RNF212: variants seen among roughly 807,000 people sequenced by gnomAD.
RNF212 encodes probable E3 SUMO-protein ligase RNF212.
A neutral mutation model predicts 34.7 loss-of-function variants in RNF212; 33 were observed. The observed-to-expected ratio is 0.95, with a 90% CI of 0.72 to 1.27. The LOEUF is 1.27. Ranked by LOEUF, RNF212 falls within the 50% of genes most tolerant of loss-of-function variation. The pLI is 0.00. For synonymous variants in RNF212, 140 were observed against 136.1 expected (o/e 1.03, Z -0.20); for missense variants, 377 against 362.2 (o/e 1.04, Z -0.33).
chr4:1,091,580 C>G (rs1214526341), intron 3 of RNF212, among the ~76,000 whole-genome samples: 1 of 152,182 alleles, frequency 6.6e-6, no homozygotes, highest in Non-Finnish European at 1.5e-5. Flanking sequence ...ACCTTGCCAT[C>G]TGCGATGATA....
At chr4:1,090,916 GC>G in intron 3 of RNF212, 78 bp from the exon 4 acceptor site, 1 of 897,086 alleles carries the variant, frequency 1.1e-6, no homozygotes, top group East Asian at 2.4e-5. Context: ...GGAGGAGGAG[GC>G]TGGAGGGACT....
At chr4:1,076,357 G>T (rs974319326) in intron 8 of RNF212, among the ~76,000 whole-genome samples, 1 of 152,216 alleles carries the variant, frequency 6.6e-6, no homozygotes, top group Admixed American at 6.5e-5. Context: ...GGATGGCGCT[G>T]GCTTTGCTTC....
chr4:1,093,851 G>A (rs780351099), intron 3 of RNF212: 20 of 1,536,078 alleles, frequency 1.3e-5, no homozygotes, highest in South Asian at 4.8e-5. Flanking sequence ...CTGGCTCTGG[G>A]ACCGCCGGCA....
chr4:1,077,923 G>GT (rs1217188092), intron 8 of RNF212, among the ~76,000 whole-genome samples: 3 of 152,320 alleles, frequency 2.0e-5, no homozygotes, highest in African/African-American at 7.2e-5. Flanking sequence ...GATGGCAGAG[G>GT]TGAGCTGGGC....
chr4:1,097,103 C>T (rs1723185392), intron 2 of RNF212, among the ~76,000 whole-genome samples: 1 of 152,048 alleles, frequency 6.6e-6, no homozygotes, highest in South Asian at 2.1e-4. Flanking sequence ...GACACGCTCC[C>T]TCCTCAAAAG....
chr4:1,061,239 C>T (rs1683563918), intron 3 of RNF212, among the ~76,000 whole-genome samples: 2 of 152,168 alleles, frequency 1.3e-5, no homozygotes, highest in South Asian at 4.1e-4. Context: ...CCCACTCTAC[C>T]CAGCAAGAGC....
rs887745454 is a variant in RNF212 at position 1,113,539 on chromosome 4, C to A, written c.-75G>T. Reference sequence around the variant, plus strand: ...CAAGGTTGGGACCAGCCTCCCCGCGCAGGGCCCGAAGGCGGGCAGCTCTGC... The same window carrying A: ...CAAGGTTGGGACCAGCCTCCCCGCGAAGGGCCCGAAGGCGGGCAGCTCTGC... On this transcript the variant is annotated 5_prime_UTR_variant, in exon 1 of 10. Transcript: ENST00000433731. The A allele has an allele frequency of 2.0e-5, 25 of 1,279,094 alleles. No individual in the cohort carries two copies. Among genetic ancestry groups the A allele is most frequent in the Non-Finnish European group, 2.7e-5 (25 of 913,518 alleles). The allele number at this position is 1,279,094 out of a possible 1,614,324, so 79.2% of individuals were successfully genotyped here.
At chr4:1,057,907 C>T (rs1717439833) in intron 4 of RNF212, among the ~76,000 whole-genome samples, 1 of 152,094 alleles carries the variant, frequency 6.6e-6, no homozygotes, top group African/African-American at 2.4e-5. Flanking sequence ...ACTAAAAATA[C>T]AAAATTAGCC....
chr4:1,064,552 G>C (rs1400750076), intron 3 of RNF212, among the ~76,000 whole-genome samples: 1 of 145,834 alleles, frequency 6.9e-6, no homozygotes, highest in Non-Finnish European at 1.5e-5. Context: ...CTTGCAGACA[G>C]CAGCCTTCTC....
chr4:1,060,467 C>T (rs577020025), intron 3 of RNF212, among the ~76,000 whole-genome samples: 2 of 152,318 alleles, frequency 1.3e-5, no homozygotes, highest in Non-Finnish European at 2.9e-5. Flanking sequence ...CTCGAGAGCA[C>T]CGCAGCCCTG....
intron 1 of RNF212, among the ~76,000 whole-genome samples, chr4:1,112,984 C>T (rs1725977323): frequency 2.7e-5 from 1 of 37,086 alleles, no homozygotes; most frequent in African/African-American, 1.3e-4. Context: ...CCCCCTCTCC[C>T]CACGGGCCCC....
At chr4:1,066,807 G>T (rs958685827), downstream of RNF212, among the ~76,000 whole-genome samples, 4 of 151,916 alleles carry the variant, frequency 2.6e-5, no homozygotes, top group South Asian at 2.1e-4. Flanking sequence ...TTTTCATGAG[G>T]TCAATTTGTT....
chr4:1,096,751 C>A lies in RNF212; in HGVS notation c.246+14G>T. On this transcript the variant is annotated intron_variant, in intron 3 of 9. Transcript: ENST00000433731. ...GGCTCATCACGGAACCAAGCCACAC[C>A]CCTCACAGCTCACCTGGGAGGTTTC... The A allele has an allele frequency of 1.9e-6, 3 of 1,603,244 alleles. No individual in the cohort carries two copies. Among genetic ancestry groups the A allele is most frequent in the Non-Finnish European group, 2.6e-6 (3 of 1,170,062 alleles).
At position 1,072,492 on chromosome 4, in the gene RNF212, C is replaced by T. The variant is rs753865016; in HGVS notation, c.*382G>A. ...GGATGAGGATGATGGGGGAGCTGTG[C>T]GTGTGTGGAGTCATGGTGTATATGG... On this transcript the variant is annotated 3_prime_UTR_variant, in exon 10 of 10. Transcript: ENST00000433731. 42 of 199,618 alleles carry T rather than the reference C, an allele frequency of 2.1e-4. No individual in the cohort carries two copies. Among genetic ancestry groups the T allele is most frequent in the Admixed American group, 7.8e-4 (14 of 18,014 alleles). 12.4% of individuals were successfully genotyped at this position (199,618 alleles called of 1,614,324 possible). A position where few individuals can be genotyped will look rare whatever the true frequency, so the allele number is the denominator to read the frequency against.
At chr4:1,093,895 G>C in intron 3 of RNF212, 1 of 1,536,248 alleles carries the variant, frequency 6.5e-7, no homozygotes. Flanking sequence ...TGCTGACCCA[G>C]TGTTCTTGGG....
chr4:1,073,730 C>T, intron 8 of RNF212, 68 bp from the exon 9 acceptor site: 1 of 1,033,468 alleles, frequency 9.7e-7, no homozygotes, highest in Non-Finnish European at 1.5e-6. Context: ...CGGACTCCCA[C>T]TGTCTGTTAG....
chr4:1,064,124 C>T (rs1163807902), intron 3 of RNF212, among the ~76,000 whole-genome samples: 1 of 151,980 alleles, frequency 6.6e-6, no homozygotes, highest in Non-Finnish European at 1.5e-5. Flanking sequence ...GATTTTTTTC[C>T]TCTTAAGGTC....
chr4:1,093,457 A>T, intron 3 of RNF212: 1 of 1,440,672 alleles, frequency 6.9e-7, no homozygotes, highest in Non-Finnish European at 9.1e-7. Context: ...CTGCGGGAAA[A>T]CTCCACCCTG....
At chr4:1,067,270 G>A (rs2153034059), downstream of RNF212, among the ~76,000 whole-genome samples, 1 of 152,140 alleles carries the variant, frequency 6.6e-6, no homozygotes, top group African/African-American at 2.4e-5. Flanking sequence ...GCAAACAAAG[G>A]CAGTTAAGGA....
Sources: allele counts gnomAD v4.1 joint callset (sites outside exome capture counted in the v4.1 genomes callset), GRCh38; gene constraint gnomAD v4.1.1; transcripts MANE v1.5; gene names NCBI Gene and HGNC (gene_info 2026-07-23, HGNC 2026-07-21).